NDUFS1: variants seen among roughly 807,000 people sequenced by gnomAD.
The protein encoded by NDUFS1 is NADH:ubiquinone oxidoreductase core subunit S1.
NDUFS1 carries 61 observed loss-of-function variants against 84.4 expected under a neutral mutation model. The observed-to-expected ratio is 0.72, with a 90% CI of 0.59 to 0.89. NDUFS1 has a LOEUF of 0.89. Among genes scored for constraint, NDUFS1 ranks in the 40% least tolerant of loss-of-function variants. The pLI is 0.00. For synonymous variants in NDUFS1, 275 were observed against 290.0 expected (o/e 0.95, Z 0.53); for missense variants, 891 against 890.0 (o/e 1.00, Z -0.01).
In NDUFS1 at chr2:206,117,567, G is replaced by A. The variant is rs1345664877; in HGVS notation, c.*6618C>T. On this transcript the variant is annotated 3_prime_UTR_variant, in exon 19 of 19. Coordinates refer to ENST00000233190, the MANE Select transcript of NDUFS1 (RefSeq NM_005006.7). ...CTCTGACTCAGCCTCCAGAGTAGCTGGGATTACAGGTGTCTTGCCACCATG... is the reference window on the plus strand; with the variant it reads ...CTCTGACTCAGCCTCCAGAGTAGCTAGGATTACAGGTGTCTTGCCACCATG... 6.6e-6 allele frequency: 1 copy of A among 152,242 alleles called. No individual in the cohort carries two copies. Among genetic ancestry groups the A allele is most frequent in the African/African-American group, 2.4e-5 (1 of 41,448 alleles). 9.4% of individuals were successfully genotyped at this position (152,242 alleles called of 1,614,324 possible).
In NDUFS1 at chr2:206,159,436, G is replaced by A. The variant is rs1172699775; in HGVS notation, c.-100C>T. The A allele has an allele frequency of 4.5e-6, 2 of 445,058 alleles. No individual in the cohort carries two copies. The highest frequency in any genetic ancestry group is 8.1e-6 in the Non-Finnish European group (2 of 245,814). The allele number at this position is 445,058 out of a possible 1,614,324, so 27.6% of individuals were successfully genotyped here. Reference sequence around the variant, plus strand: ...TCGCTTATTCAATATGGCGGCCTCGGCTAACTCTGTCAGCCGGGCCTGGAG... The same window carrying A: ...TCGCTTATTCAATATGGCGGCCTCGACTAACTCTGTCAGCCGGGCCTGGAG... On this transcript the variant is annotated 5_prime_UTR_variant, in exon 1 of 19. Coordinates refer to ENST00000233190, the MANE Select transcript of NDUFS1 (RefSeq NM_005006.7).
chr2:206,145,072 G>GCA, intron 8 of NDUFS1, 46 bp from the exon 9 acceptor site: 1 of 1,532,808 alleles, frequency 6.5e-7, no homozygotes. Flanking sequence ...TGGGAATAAA[G>GCA]AAAGTTTCTG....
chr2:206,152,703 C>CTTTTTTT (rs71034411), intron 2 of NDUFS1, among the ~76,000 whole-genome samples, 193 bp from the exon 3 acceptor site: 1 of 121,284 alleles, frequency 8.2e-6, no homozygotes, highest in Non-Finnish European at 1.7e-5. Context: ...CTTTCTTCTT[C>CTTTTTTT]TTTTTTTTTT....
intron 12 of NDUFS1, among the ~76,000 whole-genome samples, chr2:206,140,911 A>G (rs978626297): frequency 7.8e-6 from 1 of 127,408 alleles, no homozygotes; most frequent in African/African-American, 2.9e-5. Flanking sequence ...ACACACATAT[A>G]TATGTAGTGT....
chr2:206,141,448 C>T (rs929635130), intron 12 of NDUFS1, among the ~76,000 whole-genome samples: 30 of 151,782 alleles, frequency 2.0e-4, no homozygotes, highest in African/African-American at 6.8e-4. Context: ...AGGAGAATGG[C>T]GTGAACCCGG....
At chr2:206,141,600 A>T (rs1433700550) in intron 12 of NDUFS1, among the ~76,000 whole-genome samples, 502 of 39,954 alleles carry the variant, frequency 0.013, no homozygotes, top group Middle Eastern at 0.058. Context: ...AAAAAATTAA[A>T]AAAAAAAAAA....
rs1177785864 is a variant in NDUFS1, at chr2:206,120,267, T to G, written c.*3918A>C. 6.6e-6 allele frequency: 1 copy of G among 152,192 alleles called. No individual in the cohort carries two copies. Among genetic ancestry groups the G allele is most frequent in the Non-Finnish European group, 1.5e-5 (1 of 68,052 alleles). 9.4% of individuals were successfully genotyped at this position (152,192 alleles called of 1,614,324 possible). ...ATGCAAACAGATTAAAACAGATTAG[T>G]ACTGACAGTGGGGCACTGCTATACA... On this transcript the variant is annotated 3_prime_UTR_variant, in exon 19 of 19. Coordinates refer to ENST00000233190, the MANE Select transcript of NDUFS1 (RefSeq NM_005006.7).
rs1240817451 is a variant in NDUFS1 at position 206,115,900 on chromosome 2, T to C, written c.*8285A>G. 10 of 585,638 alleles carry C rather than the reference T, an allele frequency of 1.7e-5. No homozygotes were observed. Among genetic ancestry groups the C allele is most frequent in the South Asian group, 1.1e-4 (6 of 52,948 alleles). The allele number at this position is 585,638 out of a possible 1,614,324, so 36.3% of individuals were successfully genotyped here. On this transcript the variant is annotated 3_prime_UTR_variant, in exon 19 of 19. Coordinates refer to ENST00000233190, the MANE Select transcript of NDUFS1 (RefSeq NM_005006.7). ...ATACTAGAGCCTAGTCTAAAAATCA[T>C]AGGATGTTGTGAAAAAGACACATAT...
intron 15 of NDUFS1, 77 bp downstream of exon 15, chr2:206,130,011 A>G: frequency 6.4e-7 from 1 of 1,564,330 alleles, no homozygotes; most frequent in Non-Finnish European, 8.8e-7. Flanking sequence ...TCAGTTCACT[A>G]AATATATTAC....
intron 13 of NDUFS1, among the ~76,000 whole-genome samples, chr2:206,136,817 G>A (rs552074041): frequency 4.6e-5 from 7 of 151,430 alleles, no homozygotes; most frequent in South Asian, 4.2e-4. Context: ...GTGCAATGGT[G>A]CAATCTTGGC....
intron 18 of NDUFS1, among the ~76,000 whole-genome samples, chr2:206,125,153 AC>A (rs1691241441): frequency 1.3e-5 from 2 of 151,792 alleles, no homozygotes; most frequent in African/African-American, 4.8e-5. Flanking sequence ...GCCTAATCTC[AC>A]CTTCTGTTTC....
chr2:206,143,429 T>A (rs1010608708), intron 10 of NDUFS1, among the ~76,000 whole-genome samples: 2 of 152,192 alleles, frequency 1.3e-5, no homozygotes, highest in Non-Finnish European at 2.9e-5. Flanking sequence ...GAACTATAGT[T>A]ACCTTAAATG....
intron 16 of NDUFS1, among the ~76,000 whole-genome samples, chr2:206,127,195 T>C (rs59908652): frequency 0.026 from 4,006 of 152,318 alleles, 180 homozygotes; most frequent in African/African-American, 0.092. Context: ...AGCTAACAGA[T>C]GTATTTTCAG....
chr2:206,139,203 TGAGA>T lies in NDUFS1; in HGVS notation c.1263-593_1263-590del, dbSNP rs536488043. 2.2e-4 allele frequency among the ~76,000 whole-genome samples: 34 copies of T among 152,212 alleles called. 1 individual carries two copies. The South Asian group carries it at 3.5e-3, about 16-fold the overall frequency. ...ATTTATTTATTAATTTATTTATTTT[TGAGA>T]GAGAGTCTCACTCTGTCACCCAGGC... On this transcript the variant is annotated intron_variant, in intron 12 of 18. Transcript: ENST00000233190.
chr2:206,145,103 T>G, intron 8 of NDUFS1, 77 bp from the exon 9 acceptor site: 1 of 1,416,098 alleles, frequency 7.1e-7, no homozygotes, highest in Non-Finnish European at 9.6e-7. Flanking sequence ...TACCAAAAAA[T>G]TTTTTTTACA....
chr2:206,131,991 G>A (rs191781641), intron 14 of NDUFS1, among the ~76,000 whole-genome samples: 1 of 151,954 alleles, frequency 6.6e-6, no homozygotes, highest in Non-Finnish European at 1.5e-5. Context: ...AGGTGTGGTG[G>A]CACATGCCAA....
rs910360180 is a variant in NDUFS1 at position 206,142,835 on chromosome 2, G to C, written c.988-4C>G. ...CTTTGCCTTGAAAACTCTGCAACTA[G>C]AAACAGATGAAAAGGGCATCACCAA... On this transcript the variant is annotated splice_polypyrimidine_tract_variant and splice_region_variant and intron_variant, in intron 10 of 18. Coordinates refer to ENST00000233190, the MANE Select transcript of NDUFS1 (RefSeq NM_005006.7). 2 of 1,613,904 alleles carry C rather than the reference G, an allele frequency of 1.2e-6. No individual in the cohort carries two copies. The highest frequency in any genetic ancestry group is 1.7e-6 in the Non-Finnish European group (2 of 1,180,012).
At chr2:206,133,617 A>G (rs897870344) in intron 13 of NDUFS1, among the ~76,000 whole-genome samples, 1 of 152,232 alleles carries the variant, frequency 6.6e-6, no homozygotes, top group African/African-American at 2.4e-5. Flanking sequence ...CTAAATGACA[A>G]AAACTAGGAG....
At chr2:206,125,414 A>G (rs1002299303) in intron 18 of NDUFS1, among the ~76,000 whole-genome samples, 4 of 152,060 alleles carry the variant, frequency 2.6e-5, no homozygotes, top group African/African-American at 9.7e-5. Flanking sequence ...GCAAGCCAAG[A>G]TTGTGCCACT....
Sources: allele counts gnomAD v4.1 joint callset (sites outside exome capture counted in the v4.1 genomes callset), GRCh38; gene constraint gnomAD v4.1.1; transcripts MANE v1.5; gene names NCBI Gene and HGNC (gene_info 2026-07-23, HGNC 2026-07-21).